The following SUV39H1 variants were observed in gnomAD, a reference collection of about 807,000 sequenced individuals.
SUV39H1 encodes the protein histone-lysine N-methyltransferase SUV39H1.
For synonymous variants in SUV39H1, 141 were observed against 150.5 expected (o/e 0.94, Z 0.46); for missense variants, 180 against 386.3 (o/e 0.47, Z 4.48).
chrX:48,704,988 G>C (rs187818315), intron 3 of SUV39H1, among the ~76,000 whole-genome samples: 3 of 112,431 alleles, frequency 2.7e-5, no homozygotes, highest in Non-Finnish European at 5.6e-5. Flanking sequence ...ACGGGGCAGT[G>C]GGTAGTGTGG....
At position 48,703,973 on chromosome X, in the gene SUV39H1, C is replaced by CTT. The variant is rs34687892; in HGVS notation, c.829-2276_829-2275dup. Among the ~76,000 whole-genome samples the CTT allele has an allele frequency of 4.2e-5, 4 of 95,229 alleles. No individual in the cohort carries two copies. The South Asian group carries it at 1.4e-3, about 33-fold the overall frequency. 82.7% of individuals were successfully genotyped at this position (95,229 alleles called of 115,157 possible). On this transcript the variant is annotated intron_variant, in intron 3 of 5. Transcript: ENST00000376687. ...AAACTGGTACCCTGCCAGGCTGTAG[C>CTT]TTTTTTTTTTTTTTTTTAGCTGAGG...
In SUV39H1 at chrX:48,706,254, C is replaced by T; in HGVS notation, c.829-11C>T. 1 of 1,207,349 alleles carries T rather than the reference C, an allele frequency of 8.3e-7. No homozygotes were observed. The highest frequency in any genetic ancestry group is 1.1e-6 in the Non-Finnish European group (1 of 893,525). ...CGGCCAATCTCCCCTTACCCATGGC[C>T]CTTTCCCTAGATCATTACCTCAGAG... On this transcript the variant is annotated splice_polypyrimidine_tract_variant and intron_variant, in intron 3 of 5. Transcript: ENST00000376687.
chrX:48,706,740 C>A, intron 5 of SUV39H1, 113 bp downstream of exon 5: 1 of 900,514 alleles, frequency 1.1e-6, no homozygotes, highest in Non-Finnish European at 1.5e-6. Flanking sequence ...TTAGCGGGAG[C>A]TTTAAGATGC....
At chrX:48,699,539 T>C (rs1310556524) in intron 2 of SUV39H1, among the ~76,000 whole-genome samples, 1 of 111,680 alleles carries the variant, frequency 9.0e-6, no homozygotes, top group African/African-American at 3.3e-5. Flanking sequence ...CAGTACTTCA[T>C]TTTCCTTGTC....
chrX:48,706,550 G>A lies in SUV39H1; in HGVS notation c.1028G>A (p.Arg343Gln). ...GTCTTCATAGACAACCTTGACGAGC[G>A]GCTGCCCCGCATCGCTTTCTTTGCC... ...YNVFIDNLDERLPRIAFFATR... is the reference protein window; with the variant it reads ...YNVFIDNLDEQLPRIAFFATR... Residue 343 changes from arginine (R) to glutamine (Q), a missense_variant, in exon 5 of 6, where the codon CGG (arginine) becomes CAG (glutamine). By Grantham distance (43) the Arg-to-Gln change is conservative (BLOSUM62 1). Coordinates refer to ENST00000376687, the MANE Select transcript of SUV39H1 (RefSeq NM_003173.4). 2 of 1,206,905 alleles carry A rather than the reference G, an allele frequency of 1.7e-6. No individual in the cohort carries two copies. Among genetic ancestry groups the A allele is most frequent in the Non-Finnish European group, 2.2e-6 (2 of 893,052 alleles).
rs189930725 is a variant in SUV39H1, at chrX:48,700,702, C to T, written c.777C>T (p.Arg259=). 617 of 1,210,484 alleles carry T rather than the reference C, an allele frequency of 5.1e-4. 3 individuals are homozygous for T. In the East Asian group the frequency reaches 0.016, roughly 32 times the overall value. Residue 259 remains arginine (R), a synonymous_variant, in exon 3 of 6, where the codon CGC becomes CGT. Transcript: ENST00000376687. ...RTDDGRGWGV[R]TLEKIRKNSF... ...ATGATGGGCGTGGCTGGGGCGTCCG[C>T]ACCCTGGAGAAGATTCGCAAGAACA...
In SUV39H1 at chrX:48,707,580, G is replaced by T. The variant is rs2062495180; in HGVS notation, c.*10G>T. 3.3e-6 allele frequency: 4 copies of T among 1,211,143 alleles called. No homozygotes were observed. Among genetic ancestry groups the T allele is most frequent in the Non-Finnish European group, 4.5e-6 (4 of 894,979 alleles). On this transcript the variant is annotated 3_prime_UTR_variant, in exon 6 of 6. Transcript: ENST00000376687. ...CAAATACCTCTTCTAGCCCTTAGAA[G>T]TCTGAGGCCAGACTGACTGAGGGGG... is the stretch of plus-strand genomic sequence containing the variant.
At position 48,706,161 on chromosome X, in the gene SUV39H1, G is replaced by T. The variant is rs1261963369; in HGVS notation, c.829-104G>T. On this transcript the variant is annotated intron_variant, in intron 3 of 5. Coordinates refer to ENST00000376687, the MANE Select transcript of SUV39H1 (RefSeq NM_003173.4). ...TGCGTCACTGCCCATGTGTGTCCAC[G>T]GGCAGGGGTGCCTCCTGCTCCCTGT... 27 of 1,047,015 alleles carry T rather than the reference G, an allele frequency of 2.6e-5. No individual in the cohort carries two copies. The Admixed American group carries it at 7.5e-4, about 29-fold the overall frequency. 86.3% of individuals were successfully genotyped at this position (1,047,015 alleles called of 1,213,427 possible).
intron 3 of SUV39H1, among the ~76,000 whole-genome samples, chrX:48,705,986 C>A (rs1557010057): frequency 8.8e-6 from 1 of 113,084 alleles, no homozygotes; most frequent in Non-Finnish European, 1.9e-5. Context: ...TGGGTGGCGG[C>A]AGGAGGTGCT....
chrX:48,701,388 C>T (rs2062474750), intron 3 of SUV39H1, among the ~76,000 whole-genome samples: 1 of 112,182 alleles, frequency 8.9e-6, no homozygotes, highest in Non-Finnish European at 1.9e-5. Context: ...AGTGGGTATC[C>T]TTTCACACAG....
chrX:48,708,071 TGAAA>T lies in SUV39H1; in HGVS notation c.*507_*510del. On this transcript the variant is annotated 3_prime_UTR_variant, in exon 6 of 6. Coordinates refer to ENST00000376687, the MANE Select transcript of SUV39H1 (RefSeq NM_003173.4). Reference sequence around the variant, plus strand: ...CCCAACCACAGAAACTTTGTACTAGTGAAAGAAAGGGGGTCCCTGGGCTACGGGC... The same window carrying T: ...CCCAACCACAGAAACTTTGTACTAGTGAAAGGGGGTCCCTGGGCTACGGGC... 1 of 222,404 alleles carries T rather than the reference TGAAA, an allele frequency of 4.5e-6. No individual in the cohort carries two copies. Among genetic ancestry groups the T allele is most frequent in the South Asian group, 5.3e-5 (1 of 18,791 alleles). The allele number at this position is 222,404 out of a possible 1,213,427, so 18.3% of individuals were successfully genotyped here.
upstream of SUV39H1, among the ~76,000 whole-genome samples, chrX:48,696,234 T>G (rs919787265): frequency 9.8e-5 from 11 of 112,426 alleles, no homozygotes; most frequent in Non-Finnish European, 1.3e-4. Flanking sequence ...GCTGTCTGCC[T>G]GCCTCCAGGG....
intron 5 of SUV39H1, among the ~76,000 whole-genome samples, chrX:48,707,080 T>C (rs2062493235): frequency 1.8e-5 from 2 of 109,820 alleles, no homozygotes; most frequent in South Asian, 8.0e-4. Flanking sequence ...TACCTCTGGA[T>C]GCCCAGGTGG....
chrX:48,701,009 CAAA>C (rs2062473508), intron 3 of SUV39H1: 1 of 434,817 alleles, frequency 2.3e-6, no homozygotes, highest in Non-Finnish European at 4.1e-6. Flanking sequence ...GGGTACTTAG[CAAA>C]GAAGAAAAGT....
rs782282583 is a variant in SUV39H1 at position 48,708,833 on chromosome X, C to T, written c.*1263C>T. The T allele has an allele frequency of 9.0e-6, 1 of 111,243 alleles. No individual in the cohort carries two copies. The highest frequency in any genetic ancestry group is 3.9e-4 in the South Asian group (1 of 2,571). 9.2% of individuals were successfully genotyped at this position (111,243 alleles called of 1,213,427 possible). ...TCCTGACTACCTGTGCCCAGAGTGC[C>T]CCTACATGAGACTGTATGCCCTGCT... On this transcript the variant is annotated 3_prime_UTR_variant, in exon 6 of 6. Transcript: ENST00000376687.
At chrX:48,702,609 T>C (rs2062478563) in intron 3 of SUV39H1, among the ~76,000 whole-genome samples, 1 of 110,979 alleles carries the variant, frequency 9.0e-6, no homozygotes, top group African/African-American at 3.3e-5. Flanking sequence ...CTCACTGTAC[T>C]GGCATCTGGA....
At chrX:48,707,151 C>T (rs934786605) in intron 5 of SUV39H1, among the ~76,000 whole-genome samples, 4 of 106,967 alleles carry the variant, frequency 3.7e-5, no homozygotes, top group Non-Finnish European at 7.7e-5. Flanking sequence ...GGTTCCTTGA[C>T]GGCTCCCTGC....
At chrX:48,698,262 T>C (rs2062462915) in intron 1 of SUV39H1, among the ~76,000 whole-genome samples, 2 of 112,164 alleles carry the variant, frequency 1.8e-5, no homozygotes, top group Non-Finnish European at 3.8e-5. Flanking sequence ...ATGTGGGAAA[T>C]TCATACTTTT....
intron 1 of SUV39H1, among the ~76,000 whole-genome samples, chrX:48,697,355 A>AGG (rs1215616759): frequency 9.0e-6 from 1 of 111,485 alleles, no homozygotes; most frequent in Non-Finnish European, 1.9e-5. Context: ...GCAGGGAAAG[A>AGG]GGGGTGACTC....
Sources: allele counts gnomAD v4.1 joint callset (sites outside exome capture counted in the v4.1 genomes callset), GRCh38; gene constraint gnomAD v4.1.1; transcripts MANE v1.5; gene names NCBI Gene and HGNC (gene_info 2026-07-23, HGNC 2026-07-21).